Variants in PDGFC observed in about 807,000 individuals in gnomAD.
The protein encoded by PDGFC is platelet derived growth factor C.
Under a neutral mutation model 35.5 loss-of-function variants are expected in PDGFC, and 12 were observed. The ratio of observed to expected loss-of-function variants is 0.34; its 90% CI spans 0.22 to 0.55. The LOEUF is 0.55. Ranked by LOEUF, PDGFC falls within the 20% of genes least tolerant of loss-of-function variation. PDGFC has a pLI of 0.91. For missense variants in PDGFC, 322 were observed against 412.4 expected (o/e 0.78, Z 1.90); for synonymous variants, 159 against 148.8 (o/e 1.07, Z -0.50).
chr4:156,819,419 T>A (rs957729462), intron 2 of PDGFC, among the ~76,000 whole-genome samples: 2 of 152,216 alleles, frequency 1.3e-5, no homozygotes, highest in African/African-American at 4.8e-5. Context: ...ACGTTGAAGC[T>A]AATGCTCATT....
chr4:156,767,680 C>A, intron 5 of PDGFC, 93 bp downstream of exon 5: 2 of 789,760 alleles, frequency 2.5e-6, no homozygotes, highest in Non-Finnish European at 4.2e-6. Context: ...AATACTACGT[C>A]TTTTTTCCAA....
Position 156,970,898 on chromosome 4 carries a change from G to A in PDGFC, c.6C>T (p.Ser2=). M[S]LFGLLLLTSA... ...ATGTCAGCAGGAGAAGCCCGAAGAG[G>A]CTCATTTGGCTGACTGGGGTGAGAG... Residue 2 remains serine (S), a synonymous_variant, in exon 1 of 6, where the codon AGC becomes AGT. Transcript: ENST00000502773. The A allele has an allele frequency of 6.2e-7, 1 of 1,609,770 alleles. No individual in the cohort carries two copies.
intron 1 of PDGFC, among the ~76,000 whole-genome samples, chr4:156,859,539 G>A (rs1228764649): frequency 6.6e-6 from 1 of 151,944 alleles, no homozygotes; most frequent in Non-Finnish European, 1.5e-5. Context: ...ATAAATAAAG[G>A]GCAATTATCC....
intron 1 of PDGFC, chr4:156,873,861 A>G (rs1052768597): frequency 6.6e-6 from 1 of 152,216 alleles, no homozygotes; most frequent in African/African-American, 2.4e-5. Context: ...ATCAGCTTTG[A>G]GTAAATGACA....
chr4:156,879,748 T>C (rs1730198327), intron 1 of PDGFC, among the ~76,000 whole-genome samples: 1 of 152,188 alleles, frequency 6.6e-6, no homozygotes, highest in African/African-American at 2.4e-5. Flanking sequence ...GAAATAAACA[T>C]AGTTCTTTCA....
At chr4:156,950,979 C>T (rs996489402) in intron 1 of PDGFC, among the ~76,000 whole-genome samples, 5 of 151,842 alleles carry the variant, frequency 3.3e-5, no homozygotes, top group African/African-American at 1.2e-4. Context: ...ATGGATATGA[C>T]AGTTTATAAC....
intron 1 of PDGFC, among the ~76,000 whole-genome samples, chr4:156,879,604 A>G (rs2111166372): frequency 6.6e-6 from 1 of 152,328 alleles, no homozygotes; most frequent in Non-Finnish European, 1.5e-5. Context: ...AAATCTTTAT[A>G]CAAACAATGG....
chr4:156,767,831 A>T lies in PDGFC; in HGVS notation c.863T>A (p.Leu288His). 6.2e-7 allele frequency: 1 copy of T among 1,613,382 alleles called. No individual in the cohort carries two copies. Among genetic ancestry groups the T allele is most frequent in the Non-Finnish European group, 8.5e-7 (1 of 1,179,458 alleles). ...ACATTGACATTCATTGCAATTGTGG[A>T]GACAACAGGCACAGTTCCCACCACA... ...KRCGGNCACC[L>H]HNCNECQCVP... Residue 288 changes from leucine to histidine, a missense_variant, in exon 5 of 6, where the codon CTC (leucine) becomes CAC (histidine). By Grantham distance (99) the Leu-to-His change is moderately conservative. Around this residue, in one of 2 missense-constraint regions of PDGFC, gnomAD observed 202 missense variants for 295.9 expected, o/e 0.68. Transcript: ENST00000502773.
At chr4:156,768,335 C>T (rs1463880934) in intron 4 of PDGFC, among the ~76,000 whole-genome samples, 1 of 149,484 alleles carries the variant, frequency 6.7e-6, no homozygotes, top group Non-Finnish European at 1.5e-5. Flanking sequence ...AAAAAATAGA[C>T]ATGGAGAACA....
intron 5 of PDGFC, among the ~76,000 whole-genome samples, chr4:156,767,118 T>C (rs78525462): frequency 0.051 from 7,812 of 151,928 alleles, 249 homozygotes; most frequent in Middle Eastern, 0.092. Context: ...GGGGGAGGTG[T>C]TGGGATTTAA....
chr4:156,915,783 T>C (rs1731144390), intron 1 of PDGFC, among the ~76,000 whole-genome samples: 2 of 151,894 alleles, frequency 1.3e-5, no homozygotes, highest in Non-Finnish European at 2.9e-5. Context: ...TCTGCTTTAA[T>C]TAAAAAAAGA....
intron 1 of PDGFC, among the ~76,000 whole-genome samples, chr4:156,875,117 AG>A (rs1730081397): frequency 6.6e-6 from 1 of 152,184 alleles, no homozygotes. Flanking sequence ...AGGGAAAAAA[AG>A]CAAAAATAAT....
At chr4:156,825,849 T>A (rs1213782643) in intron 2 of PDGFC, among the ~76,000 whole-genome samples, 2 of 151,018 alleles carry the variant, frequency 1.3e-5, no homozygotes, top group Non-Finnish European at 1.5e-5. Context: ...CAGGAACATG[T>A]TAGTATGATT....
chr4:156,878,011 G>A (rs991903507), intron 1 of PDGFC, among the ~76,000 whole-genome samples: 2 of 152,098 alleles, frequency 1.3e-5, no homozygotes, highest in South Asian at 2.1e-4. Context: ...TTTCTTGTTT[G>A]CCTCCTCAAT....
At chr4:156,789,719 G>A (rs1436165584) in intron 3 of PDGFC, among the ~76,000 whole-genome samples, 1 of 152,190 alleles carries the variant, frequency 6.6e-6, no homozygotes, top group Non-Finnish European at 1.5e-5. Flanking sequence ...GCTCACACCT[G>A]CAATCCCAGC....
intron 2 of PDGFC, among the ~76,000 whole-genome samples, chr4:156,829,750 C>T (rs1322618863): frequency 6.6e-6 from 1 of 151,934 alleles, no homozygotes; most frequent in African/African-American, 2.4e-5. Context: ...GGTAGGATAG[C>T]TTTTAAATAA....
chr4:156,957,203 C>T (rs1579125308), intron 1 of PDGFC, among the ~76,000 whole-genome samples: 1 of 151,996 alleles, frequency 6.6e-6, no homozygotes, highest in Non-Finnish European at 1.5e-5. Flanking sequence ...TCTTGCTACA[C>T]ATTTAATCTT....
chr4:156,818,744 C>A (rs983489808), intron 2 of PDGFC, among the ~76,000 whole-genome samples: 42 of 152,090 alleles, frequency 2.8e-4, no homozygotes, highest in African/African-American at 1.0e-3. Flanking sequence ...CCTCGTGATC[C>A]GCCCGCCTGG....
At chr4:156,866,747 A>C (rs1454285656) in intron 1 of PDGFC, among the ~76,000 whole-genome samples, 1 of 152,118 alleles carries the variant, frequency 6.6e-6, no homozygotes, top group African/African-American at 2.4e-5. Flanking sequence ...ATCTATATTT[A>C]AGTATTATAT....
Sources: gnomAD v4.1 joint callset for allele counts (sites outside exome capture counted in the v4.1 genomes callset) on GRCh38, gnomAD v4.1.1 for gene constraint, gnomAD v4.1.1 regional missense constraint, MANE v1.5 for transcripts, NCBI Gene and HGNC (gene_info 2026-07-23, HGNC 2026-07-21) for gene names.